MYO1D: variants seen among roughly 807,000 people sequenced by gnomAD.
MYO1D encodes the protein unconventional myosin-Id.
In MYO1D, 83 loss-of-function variants were observed where a neutral mutation model predicts 122.0. That is an observed-to-expected ratio of 0.68 (90% CI 0.57 to 0.82). The LOEUF (loss-of-function observed/expected upper bound fraction) is 0.82. Ranked by LOEUF, MYO1D falls within the 40% of genes least tolerant of loss-of-function variation. The pLI is 0.00. For missense variants in MYO1D, 1,157 were observed against 1,269.5 expected, an observed-to-expected ratio of 0.91 and a Z score of 1.35; for synonymous variants, 464 against 446.9, an observed-to-expected ratio of 1.04 and a Z score of -0.48.
intron 21 of MYO1D, among the ~76,000 whole-genome samples, chr17:32,507,892 C>CTTTT (rs34271237): frequency 7.3e-5 from 8 of 109,316 alleles, no homozygotes; most frequent in African/African-American, 1.1e-4. Context: ...CCATGCTGGA[C>CTTTT]TTTTTTTTTT....
At position 32,738,427 on chromosome 17, in the gene MYO1D, T is replaced by A. The variant is rs766692618; in HGVS notation, c.1614-42A>T. On this transcript the variant is annotated intron_variant, in intron 13 of 21. Coordinates refer to ENST00000318217, the MANE Select transcript of MYO1D (RefSeq NM_015194.3). ...AAACAATTCAAATGTCACATTCAAA[T>A]AAGCTGGATAAAAACTGATAAGCAA... 10 of 1,521,458 alleles carry A rather than the reference T, an allele frequency of 6.6e-6. No individual in the cohort carries two copies. The South Asian group carries it at 1.1e-4, about 17-fold the overall frequency. 94.2% of individuals were successfully genotyped at this position (1,521,458 alleles called of 1,614,324 possible).
intron 15 of MYO1D, among the ~76,000 whole-genome samples, chr17:32,715,270 T>C (rs548810577): frequency 2.1e-4 from 32 of 152,310 alleles, no homozygotes; most frequent in African/African-American, 6.5e-4. Flanking sequence ...CTCAAAGATT[T>C]TGAACCCGAA....
chr17:32,495,901 G>A (rs1909084752), intron 21 of MYO1D: 1 of 152,512 alleles, frequency 6.6e-6, no homozygotes, highest in Non-Finnish European at 1.5e-5. Context: ...CACTGCTCTC[G>A]GGATGGCGTC....
chr17:32,816,704 AT>A (rs1244243979), intron 1 of MYO1D, among the ~76,000 whole-genome samples: 1 of 152,180 alleles, frequency 6.6e-6, no homozygotes, highest in African/African-American at 2.4e-5. Context: ...CATTGTTTTT[AT>A]ATTAAGTGGT....
At chr17:32,777,762 T>C (rs1483563580) in intron 3 of MYO1D, among the ~76,000 whole-genome samples, 1 of 151,624 alleles carries the variant, frequency 6.6e-6, no homozygotes, top group Non-Finnish European at 1.5e-5. Context: ...TGAAACCCCG[T>C]CTCTACTAAA....
At chr17:32,682,541 G>C (rs2088935697) in intron 16 of MYO1D, among the ~76,000 whole-genome samples, 1 of 151,576 alleles carries the variant, frequency 6.6e-6, no homozygotes, top group Admixed American at 6.6e-5. Context: ...GAAATTGCGG[G>C]TTGAAAATTC....
intron 14 of MYO1D, among the ~76,000 whole-genome samples, chr17:32,736,041 A>G (rs558299016): frequency 1.4e-5 from 2 of 147,826 alleles, no homozygotes; most frequent in Non-Finnish European, 3.0e-5. Context: ...CTATCATATT[A>G]TTTTGTTCTA....
At chr17:32,594,271 T>C (rs1033006617) in intron 21 of MYO1D, 3 of 306,350 alleles carry the variant, frequency 9.8e-6, no homozygotes, top group African/African-American at 4.3e-5. Context: ...TTATTTTGTA[T>C]ATTGCTAAGA....
At chr17:32,567,851 C>T (rs1314366342) in intron 21 of MYO1D, among the ~76,000 whole-genome samples, 1 of 152,172 alleles carries the variant, frequency 6.6e-6, no homozygotes. Flanking sequence ...GAGGCCACTG[C>T]TACAGGTTCA....
intron 1 of MYO1D, among the ~76,000 whole-genome samples, chr17:32,853,185 C>T (rs1376778526): frequency 6.6e-6 from 1 of 152,178 alleles, no homozygotes; most frequent in African/African-American, 2.4e-5. Context: ...AAAACCACGC[C>T]TCTGTGTCTC....
At chr17:32,859,845 C>T (rs1320575086) in intron 1 of MYO1D, among the ~76,000 whole-genome samples, 2 of 152,150 alleles carry the variant, frequency 1.3e-5, no homozygotes, top group Admixed American at 1.3e-4. Context: ...TATTCTGCCC[C>T]TAAAATTCCT....
chr17:32,605,788 C>A (rs981289495), intron 20 of MYO1D, among the ~76,000 whole-genome samples: 1 of 151,900 alleles, frequency 6.6e-6, no homozygotes, highest in Non-Finnish European at 1.5e-5. Context: ...TAGTTAAAAC[C>A]AAATAATTCT....
At chr17:32,552,419 C>CCCATCCATCCATCCATCCATCCAT (rs60290556) in intron 21 of MYO1D, among the ~76,000 whole-genome samples, 2 of 143,500 alleles carry the variant, frequency 1.4e-5, no homozygotes. Flanking sequence ...CATCCATCCA[C>CCCATCCATCCATCCATCCATCCAT]CCATCCATCC....
chr17:32,861,099 C>T (rs1305382906), intron 1 of MYO1D, among the ~76,000 whole-genome samples: 39 of 146,396 alleles, frequency 2.7e-4, no homozygotes, highest in Non-Finnish European at 1.0e-4. Context: ...AACGGAGTCT[C>T]GCTCTGTTGC....
intron 11 of MYO1D, among the ~76,000 whole-genome samples, chr17:32,754,108 T>C (rs1444643558): frequency 3.9e-5 from 6 of 152,158 alleles, no homozygotes; most frequent in Admixed American, 3.9e-4. Flanking sequence ...AAACACTGAT[T>C]AAATGTCTAC....
At chr17:32,745,326 A>G (rs2151006860) in intron 12 of MYO1D, 41 bp from the exon 13 acceptor site, 3 of 1,298,790 alleles carry the variant, frequency 2.3e-6, no homozygotes, top group East Asian at 4.7e-5. Flanking sequence ...TCATTTACCA[A>G]GCAAGAGCCA....
rs373934694 is a variant in MYO1D, at chr17:32,795,969, T to C, written c.96-15185A>G. ...CTTCACACCACCTCATGTTGTCTGT[T>C]AGCGCGCTCTCGGGGTTCGAACCGA... is the stretch of plus-strand genomic sequence containing the variant. On this transcript the variant is annotated intron_variant, in intron 1 of 21. Coordinates refer to ENST00000318217, the MANE Select transcript of MYO1D (RefSeq NM_015194.3). Among the ~76,000 whole-genome samples the C allele has an allele frequency of 3.3e-5, 5 of 152,174 alleles. No homozygotes were observed. In the South Asian group the frequency reaches 6.2e-4, roughly 19 times the overall value.
chr17:32,526,571 T>C (rs1910348848), intron 21 of MYO1D, among the ~76,000 whole-genome samples: 1 of 152,030 alleles, frequency 6.6e-6, no homozygotes, highest in African/African-American at 2.4e-5. Flanking sequence ...AGACTCTTTA[T>C]CTAGATCTTG....
In MYO1D at chr17:32,593,374, T is replaced by C. The variant is rs555417415; in HGVS notation, c.2864+11713A>G. Among the ~76,000 whole-genome samples, 36 of 152,300 alleles carry C rather than the reference T, an allele frequency of 2.4e-4. No individual in the cohort carries two copies. In the South Asian group the frequency reaches 7.0e-3, roughly 30 times the overall value. Reference sequence around the variant, plus strand: ...CTGTTCCTCCTCCAGAGAGCCCCAGTAGCATGCTTTCTGAGGCTCGTTTGT... The same window carrying C: ...CTGTTCCTCCTCCAGAGAGCCCCAGCAGCATGCTTTCTGAGGCTCGTTTGT... On this transcript the variant is annotated intron_variant, in intron 21 of 21. Transcript: ENST00000318217.
Sources: gnomAD v4.1 joint callset for allele counts (sites outside exome capture counted in the v4.1 genomes callset) on GRCh38, gnomAD v4.1.1 for gene constraint, MANE v1.5 for transcripts, NCBI Gene and HGNC (gene_info 2026-07-23, HGNC 2026-07-21) for gene names.